SEMA3A: variants seen among roughly 807,000 people sequenced by gnomAD.
SEMA3A encodes semaphorin-3A.
A neutral mutation model predicts 97.9 loss-of-function variants in SEMA3A; 29 were observed. That is an observed-to-expected ratio of 0.30 (90% confidence interval 0.22 to 0.40). The LOEUF (loss-of-function observed/expected upper bound fraction) is 0.40. SEMA3A is among the 10% of genes least tolerant of loss of function. The probability of loss-of-function intolerance (pLI) is 1.00; values close to 1 mark genes in which losing one functional copy is unlikely to be tolerated. For missense variants in SEMA3A, 763 were observed against 951.3 expected (o/e 0.80, Z 2.60); for synonymous variants, 321 against 323.7 (o/e 0.99, Z 0.09).
chr7:84,311,803 T>A (rs1028026794), intron 2 of SEMA3A, among the ~76,000 whole-genome samples: 8 of 151,964 alleles, frequency 5.3e-5, no homozygotes, highest in Non-Finnish European at 1.0e-4. Context: ...TAGTTAAGAT[T>A]TTCTCCCTTT....
chr7:84,224,140 G>C (rs1455085618), intron 3 of SEMA3A, among the ~76,000 whole-genome samples: 1 of 151,776 alleles, frequency 6.6e-6, no homozygotes, highest in Non-Finnish European at 1.5e-5. Flanking sequence ...CATTTGCCCT[G>C]TATTCTACAT....
intron 1 of SEMA3A, among the ~76,000 whole-genome samples, chr7:84,447,840 C>A (rs1562951367): frequency 6.6e-6 from 1 of 152,192 alleles, no homozygotes; most frequent in Non-Finnish European, 1.5e-5. Context: ...AAGCCCAGAC[C>A]TAGGGTTACC....
chr7:84,019,130 T>G (rs757796998), intron 6 of SEMA3A, among the ~76,000 whole-genome samples: 5 of 152,110 alleles, frequency 3.3e-5, no homozygotes, highest in Non-Finnish European at 7.4e-5. Context: ...ATGTCGAATG[T>G]AAGAAATAGT....
chr7:83,988,135 C>G (rs1011852840), intron 12 of SEMA3A, among the ~76,000 whole-genome samples: 1 of 152,154 alleles, frequency 6.6e-6, no homozygotes, highest in Non-Finnish European at 1.5e-5. Flanking sequence ...CCACTCCTAA[C>G]ATATTTACTG....
intron 2 of SEMA3A, among the ~76,000 whole-genome samples, chr7:84,339,036 G>GGT (rs1802099553): frequency 1.3e-5 from 2 of 152,058 alleles, no homozygotes; most frequent in African/African-American, 4.8e-5. Context: ...TCTCCAATTT[G>GGT]GTATATATAT....
chr7:84,478,911 C>T (rs532934053), intron 1 of SEMA3A, among the ~76,000 whole-genome samples: 6 of 152,020 alleles, frequency 3.9e-5, no homozygotes, highest in Admixed American at 6.6e-5. Flanking sequence ...TGATATGACA[C>T]GCCTGTGATT....
At chr7:84,245,957 C>A (rs55980937) in intron 3 of SEMA3A, among the ~76,000 whole-genome samples, 10,887 of 152,224 alleles carry the variant, frequency 0.072, 545 homozygotes, top group Non-Finnish European at 0.084. Context: ...TGCCCATAGC[C>A]GCCCCTTTCC....
chr7:84,313,354 G>GTA (rs1801402387), intron 2 of SEMA3A, among the ~76,000 whole-genome samples: 5 of 36,810 alleles, frequency 1.4e-4, no homozygotes, highest in Non-Finnish European at 2.5e-4. Context: ...ATATGTGTGT[G>GTA]TGTATATATA....
At chr7:84,330,355 T>G (rs1040457437) in intron 2 of SEMA3A, among the ~76,000 whole-genome samples, 12 of 152,090 alleles carry the variant, frequency 7.9e-5, no homozygotes, top group Non-Finnish European at 1.6e-4. Flanking sequence ...ACTTTTTAAA[T>G]GTACCTCCTG....
chr7:84,101,984 T>C (rs1036580598), intron 4 of SEMA3A, among the ~76,000 whole-genome samples: 10 of 142,926 alleles, frequency 7.0e-5, no homozygotes, highest in African/African-American at 2.5e-4. Context: ...ATAAATATAT[T>C]AAAAATAATT....
At chr7:84,051,632 G>T (rs1792659568) in intron 5 of SEMA3A, among the ~76,000 whole-genome samples, 1 of 152,144 alleles carries the variant, frequency 6.6e-6, no homozygotes, top group Non-Finnish European at 1.5e-5. Context: ...GGGTTTTCTA[G>T]ATATACGATC....
At chr7:84,059,958 T>C (rs912785735) in intron 5 of SEMA3A, among the ~76,000 whole-genome samples, 2 of 152,120 alleles carry the variant, frequency 1.3e-5, no homozygotes, top group African/African-American at 4.8e-5. Context: ...TTCTATTATT[T>C]TGAACTATAA....
chr7:84,469,207 AT>A (rs1806081576), intron 1 of SEMA3A, among the ~76,000 whole-genome samples: 2 of 152,192 alleles, frequency 1.3e-5, no homozygotes, highest in Admixed American at 1.3e-4. Context: ...AAATGATGTA[AT>A]ATTACTTCCT....
At chr7:84,259,814 C>CAAA (rs201882668) in intron 3 of SEMA3A, among the ~76,000 whole-genome samples, 1 of 73,302 alleles carries the variant, frequency 1.4e-5, no homozygotes, top group African/African-American at 5.5e-5. Context: ...AACACACGCA[C>CAAA]AAAAAAAAAA....
intron 2 of SEMA3A, among the ~76,000 whole-genome samples, chr7:84,357,283 A>AC (rs1467918927): frequency 4.0e-4 from 39 of 98,494 alleles, no homozygotes; most frequent in African/African-American, 1.4e-3. Flanking sequence ...TCCCCGCCCC[A>AC]CCCCCCCTCC....
chr7:84,490,305 C>T (rs1453976594), intron 1 of SEMA3A, among the ~76,000 whole-genome samples: 1 of 151,690 alleles, frequency 6.6e-6, no homozygotes, highest in Non-Finnish European at 1.5e-5. Context: ...TTCATCCTCA[C>T]TCAGCTATAC....
Position 84,011,300 on chromosome 7 carries a change from G to A in SEMA3A, c.811-3C>T. ...CTTCTGTGCCCTCCAAAGTCATTCT[G>A]AAAGAAGGGAACACCAGTGTTAGGC... On this transcript the variant is annotated splice_region_variant and splice_polypyrimidine_tract_variant and intron_variant, in intron 7 of 16. Transcript: ENST00000265362. 1 of 1,576,062 alleles carries A rather than the reference G, an allele frequency of 6.3e-7. No homozygotes were observed. Among genetic ancestry groups the A allele is most frequent in the South Asian group, 1.1e-5 (1 of 90,256 alleles).
chr7:84,405,710 G>A (rs1804063629), intron 1 of SEMA3A, among the ~76,000 whole-genome samples: 1 of 152,154 alleles, frequency 6.6e-6, no homozygotes, highest in African/African-American at 2.4e-5. Context: ...AGACCACAGT[G>A]CAATCAAACT....
chr7:84,300,496 A>G (rs1476631108), intron 3 of SEMA3A, among the ~76,000 whole-genome samples: 2 of 152,184 alleles, frequency 1.3e-5, no homozygotes, highest in African/African-American at 2.4e-5. Flanking sequence ...ACAGAAACAG[A>G]AATCAGAATA....
Sources: gnomAD v4.1 joint callset for allele counts (sites outside exome capture counted in the v4.1 genomes callset) on GRCh38, gnomAD v4.1.1 for gene constraint, MANE v1.5 for transcripts, NCBI Gene and HGNC (gene_info 2026-07-23, HGNC 2026-07-21) for gene names.